The following IKZF3 variants were observed in gnomAD, a reference collection of about 807,000 sequenced individuals.
The protein encoded by IKZF3 is zinc finger protein Aiolos.
IKZF3 carries 10 observed loss-of-function variants against 49.0 expected under a neutral mutation model. That is an observed-to-expected ratio of 0.20 (90% CI 0.13 to 0.35). IKZF3 has a LOEUF of 0.35. IKZF3 is among the 10% of genes least tolerant of loss of function. IKZF3 has a pLI of 1.00. For synonymous variants in IKZF3, 209 were observed against 228.2 expected (o/e 0.92, Z 0.76); for missense variants, 498 against 664.8 (o/e 0.75, Z 2.76).
intron 5 of IKZF3, among the ~76,000 whole-genome samples, chr17:39,790,894 TAA>T (rs563957346): frequency 1.5e-4 from 20 of 134,728 alleles, no homozygotes; most frequent in Admixed American, 3.7e-4. Flanking sequence ...CATGTTTATT[TAA>T]AAAAAAAAAA....
rs1399449985 is a variant in IKZF3 at position 39,850,861 on chromosome 17, T to C, written c.7+13259A>G. ...TATATATAATATATAATATGCTCTA[T>C]AGTATATATACATATATAATATACT... On this transcript the variant is annotated intron_variant, in intron 1 of 7. Coordinates refer to ENST00000346872, the MANE Select transcript of IKZF3 (RefSeq NM_012481.5). Among the ~76,000 whole-genome samples the C allele has an allele frequency of 1.0e-4, 10 of 98,888 alleles. No individual in the cohort carries two copies. The East Asian group carries it at 2.5e-3, about 25-fold the overall frequency. The allele number at this position is 98,888 out of a possible 152,430, so 64.9% of individuals were successfully genotyped here.
rs2143529778 is a variant in IKZF3, at chr17:39,763,597, C to T, written c.*2193G>A. ...CTTTCTGTTTTTTGTTCCTCTCCAC[C>T]ACCTTCTTCACATTCACAACTCAGT... On this transcript the variant is annotated 3_prime_UTR_variant, in exon 8 of 8. Coordinates refer to ENST00000346872, the MANE Select transcript of IKZF3 (RefSeq NM_012481.5). 1 of 152,274 alleles carries T rather than the reference C, an allele frequency of 6.6e-6. No homozygotes were observed. The highest frequency in any genetic ancestry group is 2.4e-5 in the African/African-American group (1 of 41,556). 9.4% of individuals were successfully genotyped at this position (152,274 alleles called of 1,614,324 possible). A position where few individuals can be genotyped will look rare whatever the true frequency, so the allele number is the denominator to read the frequency against.
At chr17:39,841,699 G>A (rs568284683) in intron 1 of IKZF3, among the ~76,000 whole-genome samples, 1 of 152,164 alleles carries the variant, frequency 6.6e-6, no homozygotes, top group South Asian at 2.1e-4. Context: ...GGAAGCCTGT[G>A]GTCCTGTATT....
In IKZF3 at chr17:39,807,566, T is replaced by C. The variant is rs1214245068; in HGVS notation, c.164-14633A>G. On this transcript the variant is annotated intron_variant, in intron 3 of 7. Transcript: ENST00000346872. ...TAAATTTTTTTTTTTTTTTTTTTTT[T>C]TTTGTAGAGACGGGGCCTCTATATG... Among the ~76,000 whole-genome samples, 3 of 144,774 alleles carry C rather than the reference T, an allele frequency of 2.1e-5. No individual in the cohort carries two copies. The East Asian group carries it at 6.1e-4, about 29-fold the overall frequency. The allele number at this position is 144,774 out of a possible 152,430, so 95.0% of individuals were successfully genotyped here.
rs1326177193 is a variant in IKZF3, at chr17:39,829,453, T to C, written c.97A>G (p.Lys33Glu). 4 of 1,613,974 alleles carry C rather than the reference T, an allele frequency of 2.5e-6. No homozygotes were observed. The highest frequency in any genetic ancestry group is 1.7e-5 in the Admixed American group (1 of 60,014). ...AAVLNDYSLT[K>E]SHEMENVDSG... The stretch of plus-strand genomic sequence containing the variant: ...TCCACATTTTCCATTTCATGAGATT[T>C]GGTTAAACTGTAGTCATTCAAAACC... Residue 33 changes from lysine to glutamate, a missense_variant, in exon 3 of 8, where the codon AAA (lysine) becomes GAA (glutamate). By Grantham distance (56) the Lys-to-Glu change is moderately conservative. Transcript: ENST00000346872.
intron 3 of IKZF3, among the ~76,000 whole-genome samples, chr17:39,819,375 G>A (rs2061750581): frequency 6.6e-6 from 1 of 152,078 alleles, no homozygotes. Context: ...AAAAAAACAA[G>A]CCACAGGCAC....
intron 3 of IKZF3, among the ~76,000 whole-genome samples, chr17:39,807,666 G>T (rs1027175310): frequency 4.8e-5 from 7 of 145,330 alleles, no homozygotes; most frequent in African/African-American, 1.8e-4. Flanking sequence ...AGGCAACACA[G>T]TGAGATCCCA....
intron 3 of IKZF3, among the ~76,000 whole-genome samples, chr17:39,798,105 C>G (rs988252098): frequency 6.6e-6 from 1 of 152,152 alleles, no homozygotes; most frequent in Non-Finnish European, 1.5e-5. Flanking sequence ...TGTTTCTCCA[C>G]TCCTGTATTT....
chr17:39,809,204 TA>T (rs1315573376), intron 3 of IKZF3, among the ~76,000 whole-genome samples: 1 of 152,184 alleles, frequency 6.6e-6, no homozygotes, highest in Non-Finnish European at 1.5e-5. Context: ...TTTTAGTTAT[TA>T]AACCATAGGT....
intron 7 of IKZF3, 43 bp from the exon 8 acceptor site, chr17:39,766,536 A>G: frequency 6.7e-7 from 1 of 1,487,412 alleles, no homozygotes; most frequent in South Asian, 1.2e-5. Context: ...AACACTGCCA[A>G]GGCAGAGAGT....
At chr17:39,843,871 T>A (rs2062553529) in intron 1 of IKZF3, among the ~76,000 whole-genome samples, 1 of 151,198 alleles carries the variant, frequency 6.6e-6, no homozygotes, top group Admixed American at 6.6e-5. Flanking sequence ...ATGTTCTTAT[T>A]AGCTACTAAA....
intron 3 of IKZF3, among the ~76,000 whole-genome samples, chr17:39,815,351 T>A (rs551625639): frequency 2.6e-5 from 4 of 152,240 alleles, no homozygotes; most frequent in African/African-American, 9.6e-5. Context: ...TGTTTGTGCA[T>A]GACAATTGCC....
chr17:39,846,659 T>C (rs1046392271), intron 1 of IKZF3, among the ~76,000 whole-genome samples: 21 of 152,036 alleles, frequency 1.4e-4, no homozygotes, highest in Non-Finnish European at 1.2e-4. Context: ...AAATTAGCTA[T>C]GAAGAAAATC....
intron 3 of IKZF3, among the ~76,000 whole-genome samples, chr17:39,806,548 A>C (rs2061434241): frequency 6.6e-6 from 1 of 152,248 alleles, no homozygotes; most frequent in South Asian, 2.1e-4. Context: ...ATTCCACTTC[A>C]CACCTGCTAG....
chr17:39,777,501 A>G, intron 7 of IKZF3, 150 bp downstream of exon 7: 1 of 566,294 alleles, frequency 1.8e-6, no homozygotes, highest in Non-Finnish European at 3.1e-6. Flanking sequence ...CAGAGCTATC[A>G]GAATGAACCA....
intron 3 of IKZF3, among the ~76,000 whole-genome samples, 161 bp downstream of exon 3, chr17:39,829,226 C>A (rs2062037274): frequency 6.6e-6 from 1 of 152,094 alleles, no homozygotes; most frequent in Non-Finnish European, 1.5e-5. Context: ...TGCTGATAAC[C>A]TACAACTATG....
chr17:39,777,574 C>T (rs2143719345), intron 7 of IKZF3, 77 bp downstream of exon 7: 1 of 981,028 alleles, frequency 1.0e-6, no homozygotes, highest in Non-Finnish European at 1.6e-6. Context: ...TAGGAAAGGC[C>T]TTGTGTAGCA....
rs2060274106 is a variant in IKZF3, at chr17:39,765,845, C to T, written c.1475G>A (p.Arg492Gln). ...CNMCGYRSHD[R>Q]YEFSSHIARG... ...GGCTATGTGAGACGAGAACTCATACCGATCATGGCTTCGATATCCACACAT... is the reference window on the plus strand; with the variant it reads ...GGCTATGTGAGACGAGAACTCATACTGATCATGGCTTCGATATCCACACAT... Residue 492 changes from arginine (R) to glutamine (Q), a missense_variant, in exon 8 of 8, where the codon CGG becomes CAG. Arg to Gln is a conservative substitution (Grantham distance 43). Around this residue, in one of 3 missense-constraint regions of IKZF3, gnomAD observed 317 missense variants for 397.3 expected, o/e 0.80. Transcript: ENST00000346872. The T allele has an allele frequency of 3.7e-6, 6 of 1,613,884 alleles. No individual in the cohort carries two copies. Among genetic ancestry groups the T allele is most frequent in the African/African-American group, 1.3e-5 (1 of 75,000 alleles).
intron 6 of IKZF3, among the ~76,000 whole-genome samples, chr17:39,778,595 A>T (rs1300489625): frequency 6.6e-6 from 1 of 152,124 alleles, no homozygotes; most frequent in African/African-American, 2.4e-5. Flanking sequence ...CTGAGGTCGG[A>T]GTTCGAGACC....
Sources: allele counts gnomAD v4.1 joint callset (sites outside exome capture counted in the v4.1 genomes callset), GRCh38; gene constraint gnomAD v4.1.1; regional missense constraint gnomAD v4.1.1; transcripts MANE v1.5; gene names NCBI Gene and HGNC (gene_info 2026-07-23, HGNC 2026-07-21).